Variants in NDUFAF5 observed in about 807,000 individuals in gnomAD.
NDUFAF5 encodes the protein NADH:ubiquinone oxidoreductase complex assembly factor 5.
A neutral mutation model predicts 48.9 loss-of-function variants in NDUFAF5; 34 were observed. The observed-to-expected ratio is 0.70, with a 90% CI of 0.53 to 0.93. The LOEUF (loss-of-function observed/expected upper bound fraction) is 0.93. Ranked by LOEUF, NDUFAF5 falls within the 40% of genes least tolerant of loss-of-function variation. The pLI is 0.00. For synonymous variants in NDUFAF5, 153 were observed against 150.6 expected, an observed-to-expected ratio of 1.02 and a Z score of -0.12; for missense variants, 428 against 427.5, an observed-to-expected ratio of 1.00 and a Z score of -0.01.
intron 5 of NDUFAF5, 76 bp from the exon 6 acceptor site, chr20:13,798,385 A>C: frequency 9.5e-7 from 1 of 1,052,720 alleles, no homozygotes; most frequent in Non-Finnish European, 1.5e-6. Context: ...TTTATGGGTT[A>C]TCATTAACCT....
chr20:13,801,359 T>C (rs1984085826), intron 6 of NDUFAF5, 127 bp from the exon 7 acceptor site: 1 of 551,772 alleles, frequency 1.8e-6, no homozygotes, highest in African/African-American at 1.9e-5. Flanking sequence ...TGTTAAATTA[T>C]GTGATTATTA....
At chr20:13,788,996 A>G (rs1981726281) in intron 3 of NDUFAF5, among the ~76,000 whole-genome samples, 1 of 152,218 alleles carries the variant, frequency 6.6e-6, no homozygotes, top group African/African-American at 2.4e-5. Context: ...CTAGAAAAAT[A>G]TTAATTTTAT....
chr20:13,810,392 A>G (rs1985699937), intron 8 of NDUFAF5, among the ~76,000 whole-genome samples: 1 of 152,256 alleles, frequency 6.6e-6, no homozygotes, highest in Non-Finnish European at 1.5e-5. Flanking sequence ...AGTCCGCTAG[A>G]TTTAGGAACA....
At chr20:13,813,873 T>C (rs1042662599) in intron 8 of NDUFAF5, among the ~76,000 whole-genome samples, 1 of 152,094 alleles carries the variant, frequency 6.6e-6, no homozygotes, top group African/African-American at 2.4e-5. Flanking sequence ...GGGGAGATGA[T>C]GGGAAATGAA....
Position 13,819,910 on chromosome 20 carries a change from G to A in NDUFAF5, c.*2700G>A, listed in dbSNP as rs1392962138. 1.3e-5 allele frequency: 2 copies of A among 152,194 alleles called. No individual in the cohort carries two copies. Among genetic ancestry groups the A allele is most frequent in the Non-Finnish European group, 2.9e-5 (2 of 68,030 alleles). The allele number at this position is 152,194 out of a possible 1,614,324, so 9.4% of individuals were successfully genotyped here. A position where few individuals can be genotyped will look rare whatever the true frequency, so the allele number is the denominator to read the frequency against. On this transcript the variant is annotated 3_prime_UTR_variant, in exon 11 of 11. Transcript: ENST00000378106. Reference sequence around the variant, plus strand: ...AAGATTTCTAGGACTTTTGTATTAAGGTAGGAAAGAGGAACTAGGTTCTGG... The same window carrying A: ...AAGATTTCTAGGACTTTTGTATTAAAGTAGGAAAGAGGAACTAGGTTCTGG...
Position 13,793,161 on chromosome 20 carries a change from T to G in NDUFAF5, c.328-19T>G, listed in dbSNP as rs879285167. ...TGTGACTGGATTTGTTTGTTTCAGCTTCAGTTATTCCATTGCAGGAAACTA... is the reference window on the plus strand; with the variant it reads ...TGTGACTGGATTTGTTTGTTTCAGCGTCAGTTATTCCATTGCAGGAAACTA... On this transcript the variant is annotated intron_variant, in intron 3 of 10. Transcript: ENST00000378106. 13 of 1,613,768 alleles carry G rather than the reference T, an allele frequency of 8.1e-6. No individual in the cohort carries two copies. The highest frequency in any genetic ancestry group is 1.7e-5 in the Admixed American group (1 of 60,004).
intron 3 of NDUFAF5, 37 bp from the exon 4 acceptor site, chr20:13,793,143 G>T: frequency 8.7e-6 from 14 of 1,612,170 alleles, no homozygotes; most frequent in Non-Finnish European, 1.1e-5. Context: ...GTTTGTGACT[G>T]GATTTGTTTG....
intron 5 of NDUFAF5, among the ~76,000 whole-genome samples, chr20:13,795,863 T>TCTTTTCC (rs946891975): frequency 6.6e-6 from 1 of 152,194 alleles, no homozygotes; most frequent in Admixed American, 6.5e-5. Flanking sequence ...TCAAGATTAC[T>TCTTTTCC]CTTTTCCCTT....
rs1217510064 is a variant in NDUFAF5, at chr20:13,798,508, A to C, written c.519+8A>C. The C allele has an allele frequency of 6.3e-7, 1 of 1,596,470 alleles. No homozygotes were observed. The highest frequency in any genetic ancestry group is 8.6e-7 in the Non-Finnish European group (1 of 1,164,270). ...CCTAGAGCACTTGAGCAGGTAAGAA[A>C]ACTTATGTTCATTCAACTATCTTGT... On this transcript the variant is annotated splice_region_variant and intron_variant, in intron 6 of 10. Transcript: ENST00000378106.
chr20:13,795,386 T>C (rs1983035274), intron 5 of NDUFAF5, among the ~76,000 whole-genome samples: 1 of 152,158 alleles, frequency 6.6e-6, no homozygotes, highest in Non-Finnish European at 1.5e-5. Flanking sequence ...TGAGGCACTA[T>C]ATCATATTAT....
chr20:13,814,539 C>T, intron 8 of NDUFAF5: 1 of 1,125,392 alleles, frequency 8.9e-7, no homozygotes. Context: ...TTTTTTTAAA[C>T]AATACTCAGT....
rs1242062357 is a variant in NDUFAF5, at chr20:13,794,885, T to TG, written c.424dup (p.Glu142GlyfsTer12). On this transcript the variant is annotated frameshift_variant, in exon 5 of 11. Coordinates refer to ENST00000378106, the MANE Select transcript of NDUFAF5 (RefSeq NM_024120.5). LOFTEE classifies it high-confidence loss of function. ...TACCTACTGTCAGCGTTTTAGCTGA[T>TG]GAAGAATTCCTTCCCTTCAAAGAAA... is the stretch of plus-strand genomic sequence containing the variant. 1 of 1,613,918 alleles carries TG rather than the reference T, an allele frequency of 6.2e-7. No homozygotes were observed.
intron 8 of NDUFAF5, among the ~76,000 whole-genome samples, chr20:13,815,120 A>G (rs2147622542): frequency 6.6e-6 from 1 of 152,338 alleles, no homozygotes; most frequent in East Asian, 1.9e-4. Context: ...CTAAAAAATT[A>G]AATCTCTTTT....
rs577302957 is a variant in NDUFAF5 at position 13,788,591 on chromosome 20, A to C, written c.266A>C (p.Asn89Thr). 6 of 1,610,134 alleles carry C rather than the reference A, an allele frequency of 3.7e-6. No homozygotes were observed. The highest frequency in any genetic ancestry group is 5.1e-6 in the Non-Finnish European group (6 of 1,176,660). ...IADRVYDIPRNFPLALDLGCG... is the reference protein window; with the variant it reads ...IADRVYDIPRTFPLALDLGCG... The stretch of plus-strand genomic sequence containing the variant: ...AACCTCTGTGTCTTTTTTTTTAGAA[A>C]TTTCCCCCTTGCTTTGGATCTTGGT... Residue 89 changes from asparagine to threonine, a missense_variant and splice_region_variant, in exon 3 of 11, where the codon AAT becomes ACT. Physicochemically the swap from Asn to Thr is moderately conservative, Grantham distance 65. Transcript: ENST00000378106.
At chr20:13,786,305 A>T (rs912586240) in intron 1 of NDUFAF5, among the ~76,000 whole-genome samples, 1 of 152,184 alleles carries the variant, frequency 6.6e-6, no homozygotes, top group African/African-American at 2.4e-5. Flanking sequence ...AATGTCTATT[A>T]TAGGAAGTTT....
intron 5 of NDUFAF5, among the ~76,000 whole-genome samples, chr20:13,797,043 C>T (rs1436290353): frequency 4.6e-5 from 7 of 152,116 alleles, no homozygotes; most frequent in African/African-American, 1.7e-4. Context: ...TTGTTTTTAT[C>T]ACCTTAAAAA....
intron 6 of NDUFAF5, among the ~76,000 whole-genome samples, chr20:13,801,050 G>A (rs1436869793): frequency 1.3e-5 from 2 of 152,150 alleles, no homozygotes; most frequent in African/African-American, 2.4e-5. Context: ...GAGTCACAAG[G>A]CCAGCCAAGA....
chr20:13,816,329 T>G, intron 8 of NDUFAF5, 134 bp from the exon 9 acceptor site: 37 of 726,864 alleles, frequency 5.1e-5, no homozygotes, highest in Middle Eastern at 2.3e-4. Flanking sequence ...GAAAGTGAAA[T>G]GAGATTTAGG....
Position 13,820,888 on chromosome 20 carries a change from T to C in NDUFAF5, c.*3678T>C, listed in dbSNP as rs149994396. On this transcript the variant is annotated 3_prime_UTR_variant, in exon 11 of 11. Transcript: ENST00000378106. ...TAAGTTACCATTAGCCTCTCTTGCTTAAGAAATATTTTGAGCTTTTTTGGG... is the reference window on the plus strand; with the variant it reads ...TAAGTTACCATTAGCCTCTCTTGCTCAAGAAATATTTTGAGCTTTTTTGGG... 6.6e-6 allele frequency: 1 copy of C among 152,298 alleles called. No individual in the cohort carries two copies. The highest frequency in any genetic ancestry group is 1.9e-4 in the East Asian group (1 of 5,184). 9.4% of individuals were successfully genotyped at this position (152,298 alleles called of 1,614,324 possible).
Sources: allele counts gnomAD v4.1 joint callset (sites outside exome capture counted in the v4.1 genomes callset), GRCh38; gene constraint gnomAD v4.1.1; transcripts MANE v1.5; gene names NCBI Gene and HGNC (gene_info 2026-07-23, HGNC 2026-07-21).